The following GABRG1 variants were observed in gnomAD, a reference collection of about 807,000 sequenced individuals.
GABRG1 encodes the protein gamma-aminobutyric acid receptor subunit gamma-1.
Under a neutral mutation model 49.8 loss-of-function variants are expected in GABRG1, and 49 were observed. The observed-to-expected ratio is 0.98, with a 90% confidence interval of 0.78 to 1.25. GABRG1 has a LOEUF of 1.25. GABRG1 is among the 50% of genes most tolerant of loss of function. The pLI, the probability that GABRG1 is intolerant of heterozygous loss-of-function variation, is 0.00. For missense variants in GABRG1, 552 were observed against 552.3 expected (o/e 1.00, Z 0.01); for synonymous variants, 232 against 185.1 (o/e 1.25, Z -2.06).
At chr4:46,078,003 A>G (rs1208709753) in intron 3 of GABRG1, among the ~76,000 whole-genome samples, 1 of 151,678 alleles carries the variant, frequency 6.6e-6, no homozygotes, top group African/African-American at 2.4e-5. Flanking sequence ...TTTTTTCTCT[A>G]TAAATGTTGA....
At chr4:46,061,771 TACA>T (rs1472168387) in intron 5 of GABRG1, among the ~76,000 whole-genome samples, 2 of 150,036 alleles carry the variant, frequency 1.3e-5, no homozygotes, top group East Asian at 3.9e-4. Context: ...GAGTTAAAAA[TACA>T]ACATTGAGCA....
chr4:46,103,161 C>G (rs375276578), intron 1 of GABRG1, among the ~76,000 whole-genome samples: 4 of 151,554 alleles, frequency 2.6e-5, no homozygotes, highest in South Asian at 4.2e-4. Context: ...GTTAAGAAAC[C>G]AGAGATGAAA....
chr4:46,058,066 T>C, intron 7 of GABRG1, 151 bp downstream of exon 7: 1 of 532,028 alleles, frequency 1.9e-6, no homozygotes, highest in Non-Finnish European at 3.1e-6. Flanking sequence ...CATATCTCTT[T>C]CAACATGGTA....
chr4:46,065,648 G>T, intron 3 of GABRG1, 64 bp from the exon 4 acceptor site: 1 of 793,232 alleles, frequency 1.3e-6, no homozygotes, highest in Non-Finnish European at 2.0e-6. Context: ...TTTCTCGAAA[G>T]TTTGAATTTT....
chr4:46,052,275 G>A (rs865974177), intron 7 of GABRG1, among the ~76,000 whole-genome samples: 4 of 148,176 alleles, frequency 2.7e-5, no homozygotes, highest in Non-Finnish European at 4.5e-5. Context: ...ATAAGCAACA[G>A]ATATTCTTCT....
chr4:46,071,310 C>A (rs1412222388), intron 3 of GABRG1, among the ~76,000 whole-genome samples: 6 of 151,322 alleles, frequency 4.0e-5, no homozygotes, highest in Non-Finnish European at 5.9e-5. Context: ...CACACAGACA[C>A]AACAAATATA....
rs188980868 is a variant in GABRG1 at position 46,098,296 on chromosome 4, T to C, written c.105-947A>G. Among the ~76,000 whole-genome samples the C allele has an allele frequency of 4.1e-3, 622 of 151,810 alleles. 16 individuals are homozygous for C. Among genetic ancestry groups the C allele is most frequent in the Admixed American group, 0.039 (586 of 15,178 alleles). On this transcript the variant is annotated intron_variant, in intron 1 of 8. Transcript: ENST00000295452. ...TCTTTATTGCCCATAAGTAACGCCA[T>C]CTTCTTTTGAGTAAGGTCATTCTAG...
At position 46,051,424 on chromosome 4, in the gene GABRG1, C is replaced by T. The variant is rs764771110; in HGVS notation, c.1131G>A (p.Ser377=). 11 of 1,595,260 alleles carry T rather than the reference C, an allele frequency of 6.9e-6. No individual in the cohort carries two copies. The highest frequency in any genetic ancestry group is 5.6e-5 in the South Asian group (5 of 88,512). The change falls in exon 8 of 9, where the codon TCG becomes TCA. Residue 377 remains serine (S), a splice_region_variant and synonymous_variant. Coordinates refer to ENST00000295452, the MANE Select transcript of GABRG1 (RefSeq NM_173536.4). ...TKDRKLKNKA[S]MTPGLHPGST... ...ATAGAAATTTTTCTTTTTAACATACCGAGGCTTTATTTTTTAGCTTTCTGT... is the reference window on the plus strand; with the variant it reads ...ATAGAAATTTTTCTTTTTAACATACTGAGGCTTTATTTTTTAGCTTTCTGT...
intron 5 of GABRG1, among the ~76,000 whole-genome samples, chr4:46,063,195 A>G (rs972792879): frequency 2.0e-5 from 3 of 151,986 alleles, no homozygotes; most frequent in African/African-American, 4.8e-5. Flanking sequence ...AACCAAAAAA[A>G]AGCCCGCATT....
intron 2 of GABRG1, among the ~76,000 whole-genome samples, chr4:46,096,149 G>C (rs1720156544): frequency 6.6e-6 from 1 of 151,280 alleles, no homozygotes; most frequent in South Asian, 2.1e-4. Flanking sequence ...GCAAAGATTG[G>C]GAAAATGGTG....
intron 2 of GABRG1, among the ~76,000 whole-genome samples, chr4:46,087,104 G>T (rs1497574): frequency 0.58 from 88,294 of 151,250 alleles, 26,470 homozygotes; most frequent in African/African-American, 0.69. Flanking sequence ...AATATCCCTG[G>T]CTGGTTTAGT....
chr4:46,067,325 T>G (rs911566293), intron 3 of GABRG1, among the ~76,000 whole-genome samples: 1 of 152,144 alleles, frequency 6.6e-6, no homozygotes, highest in African/African-American at 2.4e-5. Flanking sequence ...TAATAATTAT[T>G]TAAAATCCAA....
intron 7 of GABRG1, among the ~76,000 whole-genome samples, chr4:46,056,185 C>A (rs6831794): frequency 2.3e-3 from 41 of 18,028 alleles, no homozygotes; most frequent in Middle Eastern, 0.053. Context: ...AAAAAATAGT[C>A]TCCCATCACA....
chr4:46,057,490 T>C (rs1718498220), intron 7 of GABRG1, among the ~76,000 whole-genome samples: 2 of 152,112 alleles, frequency 1.3e-5, no homozygotes, highest in Non-Finnish European at 2.9e-5. Context: ...CCTATATCAA[T>C]ACCTGATTGC....
rs1222556204 is a variant in GABRG1, at chr4:46,037,947, T to A, written c.*3041A>T. The A allele has an allele frequency of 6.6e-6, 1 of 151,738 alleles. No individual in the cohort carries two copies. The highest frequency in any genetic ancestry group is 1.5e-5 in the Non-Finnish European group (1 of 67,746). 9.4% of individuals were successfully genotyped at this position (151,738 alleles called of 1,614,324 possible). ...TTGTTCTTGAGACAAAAACATTGTC[T>A]ATTTTATGATGATATACTAATGCCA... On this transcript the variant is annotated 3_prime_UTR_variant, in exon 9 of 9. Transcript: ENST00000295452.
At chr4:46,118,449 G>T (rs758162304) in intron 1 of GABRG1, among the ~76,000 whole-genome samples, 27 of 150,614 alleles carry the variant, frequency 1.8e-4, no homozygotes, top group Non-Finnish European at 3.1e-4. Flanking sequence ...GCATTTTATT[G>T]TGTTTACTTG....
intron 2 of GABRG1, among the ~76,000 whole-genome samples, chr4:46,092,938 G>T (rs1177096736): frequency 6.6e-6 from 1 of 151,346 alleles, no homozygotes; most frequent in Non-Finnish European, 1.5e-5. Flanking sequence ...ACATGGTGGC[G>T]CATGCCTATA....
chr4:46,105,857 G>C (rs1278753081), intron 1 of GABRG1, among the ~76,000 whole-genome samples: 1 of 149,062 alleles, frequency 6.7e-6, no homozygotes, highest in Non-Finnish European at 1.5e-5. Flanking sequence ...CTACAAGTTA[G>C]TCGGTGTATG....
chr4:46,081,960 A>G (rs1277094129), intron 3 of GABRG1, among the ~76,000 whole-genome samples: 1 of 151,842 alleles, frequency 6.6e-6, no homozygotes, highest in Non-Finnish European at 1.5e-5. Flanking sequence ...TATAACTGCA[A>G]GAAATAGATT....
Sources: gnomAD v4.1 joint callset for allele counts (sites outside exome capture counted in the v4.1 genomes callset) on GRCh38, gnomAD v4.1.1 for gene constraint, MANE v1.5 for transcripts, NCBI Gene and HGNC (gene_info 2026-07-23, HGNC 2026-07-21) for gene names.